Variants in PISD observed in about 807,000 individuals in gnomAD.
PISD encodes phosphatidylserine decarboxylase proenzyme, mitochondrial.
A neutral mutation model predicts 43.5 loss-of-function variants in PISD; 31 were observed. The ratio of observed to expected loss-of-function variants is 0.71; its 90% CI spans 0.54 to 0.96. PISD has a LOEUF of 0.96. Ranked by LOEUF, PISD falls within the 40% of genes least tolerant of loss-of-function variation. The pLI is 0.00. For missense variants in PISD, 523 were observed against 548.4 expected (o/e 0.95, Z 0.46); for synonymous variants, 259 against 228.7 (o/e 1.13, Z -1.20).
At position 31,618,614 on chromosome 22, in the gene PISD, C is replaced by G. The variant is rs2072258747; in HGVS notation, c.*998G>C. On this transcript the variant is annotated 3_prime_UTR_variant, in exon 8 of 8. Transcript: ENST00000439502. ...TACAGTTGAAAAAATTCAATGATGT[C>G]TCTCCTGCAGGAGAAATTCACAGCA... 1 of 498,698 alleles carries G rather than the reference C, an allele frequency of 2.0e-6. No individual in the cohort carries two copies. The allele number at this position is 498,698 out of a possible 1,614,324, so 30.9% of individuals were successfully genotyped here. A position where few individuals can be genotyped will look rare whatever the true frequency, so the allele number is the denominator to read the frequency against.
intron 3 of PISD, chr22:31,623,936 A>T (rs1429618687): frequency 2.3e-6 from 3 of 1,280,528 alleles, no homozygotes; most frequent in Non-Finnish European, 3.2e-6. Context: ...CCAGGGCAGG[A>T]TTCCTCCTGT....
Position 31,619,268 on chromosome 22 carries a change from A to G in PISD, c.*344T>C. ...GTGATGGGGGGAGGAGCAGCAAGAAAAAACGACAACCGAGACCAACTGAAG... is the reference window on the plus strand; with the variant it reads ...GTGATGGGGGGAGGAGCAGCAAGAAGAAACGACAACCGAGACCAACTGAAG... On this transcript the variant is annotated 3_prime_UTR_variant, in exon 8 of 8. Coordinates refer to ENST00000439502, the MANE Select transcript of PISD (RefSeq NM_001326411.2). The G allele has an allele frequency of 2.8e-6, 1 of 355,986 alleles. No homozygotes were observed. The highest frequency in any genetic ancestry group is 5.4e-6 in the Non-Finnish European group (1 of 183,638). The allele number at this position is 355,986 out of a possible 1,614,324, so 22.1% of individuals were successfully genotyped here. A position where few individuals can be genotyped will look rare whatever the true frequency, so the allele number is the denominator to read the frequency against.
At chr22:31,625,613 G>A (rs1182804028) in intron 3 of PISD, 5 of 946,248 alleles carry the variant, frequency 5.3e-6, no homozygotes, top group Non-Finnish European at 7.9e-6. Flanking sequence ...GGGTGCTCAG[G>A]CCCCCCAGGC....
upstream of PISD, chr22:31,662,276 G>C (rs770000520): frequency 1.3e-6 from 2 of 1,498,740 alleles, no homozygotes; most frequent in African/African-American, 2.7e-5. Flanking sequence ...GGCGTCACGA[G>C]TCTCGAGTTC....
Position 31,630,611 on chromosome 22 carries a change from C to A in PISD, c.322-8726G>T. ...GGGGACGGAAAAAAAGCCCACGACT[C>A]GCTCAACCTTGTCCGCGGGGCTCCT... On this transcript the variant is annotated intron_variant, in intron 3 of 7. Transcript: ENST00000439502. The surrounding 1 kb of genome is among the most constrained non-coding windows in gnomAD (Gnocchi z 4.4). The A allele has an allele frequency of 1.7e-6, 1 of 573,660 alleles. No homozygotes were observed. Among genetic ancestry groups the A allele is most frequent in the Non-Finnish European group, 2.2e-6 (1 of 453,264 alleles). The allele number at this position is 573,660 out of a possible 1,614,324, so 35.5% of individuals were successfully genotyped here. A position where few individuals can be genotyped will look rare whatever the true frequency, so the allele number is the denominator to read the frequency against.
intron 3 of PISD, among the ~76,000 whole-genome samples, chr22:31,637,880 G>A (rs2073560318): frequency 6.6e-6 from 1 of 152,206 alleles, no homozygotes; most frequent in African/African-American, 2.4e-5. Flanking sequence ...AGCTCTGACT[G>A]AAATTTCTCA....
At chr22:31,628,969 G>A in intron 3 of PISD, 5 of 985,314 alleles carry the variant, frequency 5.1e-6, no homozygotes, top group African/African-American at 1.7e-5. Context: ...AAACTTGCGC[G>A]GAGTGACCGG....
intron 1 of PISD, among the ~76,000 whole-genome samples, chr22:31,652,280 T>A (rs1052011363): frequency 9.2e-5 from 14 of 151,872 alleles, no homozygotes; most frequent in Non-Finnish European, 1.3e-4. Context: ...TACAGGCGCA[T>A]GCCACTGCAC....
Position 31,618,957 on chromosome 22 carries a change from G to A in PISD, c.*655C>T, listed in dbSNP as rs1485069206. 6.1e-6 allele frequency: 1 copy of A among 164,806 alleles called. No individual in the cohort carries two copies. The highest frequency in any genetic ancestry group is 1.3e-5 in the Non-Finnish European group (1 of 75,474). The allele number at this position is 164,806 out of a possible 1,614,324, so 10.2% of individuals were successfully genotyped here. On this transcript the variant is annotated 3_prime_UTR_variant, in exon 8 of 8. Transcript: ENST00000439502. ...CAGAGGACCTGGCCAGCTCCAGAAG[G>A]GTCACTCATCAGGTCCTGCAAAGGT... is the stretch of plus-strand genomic sequence containing the variant.
chr22:31,656,014 CCAGGCTCAGTGGCTCACGCCTGTAAT>C (rs2074161111), intron 1 of PISD, among the ~76,000 whole-genome samples: 1 of 152,092 alleles, frequency 6.6e-6, no homozygotes. Context: ...CTACCACTGG[CCAGGCTCAGTGGCTCACGCCTGTAAT>C]CTCAGCACTT....
At chr22:31,642,116 G>C (rs1432555917) in intron 3 of PISD, among the ~76,000 whole-genome samples, 1 of 151,194 alleles carries the variant, frequency 6.6e-6, no homozygotes, top group Non-Finnish European at 1.5e-5. Context: ...AGGTGGTAAA[G>C]CCTCAGTGGC....
At chr22:31,633,592 G>A (rs1028575093) in intron 3 of PISD, among the ~76,000 whole-genome samples, 1 of 152,186 alleles carries the variant, frequency 6.6e-6, no homozygotes, top group African/African-American at 2.4e-5. Flanking sequence ...GCGGGCGCCT[G>A]TAGTCCCAGC....
At chr22:31,654,048 A>C (rs2147804581) in intron 1 of PISD, among the ~76,000 whole-genome samples, 2 of 152,194 alleles carry the variant, frequency 1.3e-5, no homozygotes, top group South Asian at 4.2e-4. Flanking sequence ...ACTCACTGTT[A>C]CCACTTCCTC....
intron 1 of PISD, among the ~76,000 whole-genome samples, chr22:31,654,079 C>T (rs963069293): frequency 2.6e-5 from 4 of 152,140 alleles, no homozygotes; most frequent in African/African-American, 9.7e-5. Flanking sequence ...CTCTCTTAGT[C>T]CCACTCAGTA....
In PISD at chr22:31,618,503, T is replaced by G. The variant is rs2072235347; in HGVS notation, c.*1109A>C. ...GAACAGAACACAGTTTTAAGTTTGA[T>G]TTTTTTTATTTCAAAATGCTTTGCA... On this transcript the variant is annotated 3_prime_UTR_variant, in exon 8 of 8. Coordinates refer to ENST00000439502, the MANE Select transcript of PISD (RefSeq NM_001326411.2). 9 of 1,262,316 alleles carry G rather than the reference T, an allele frequency of 7.1e-6. No homozygotes were observed. The South Asian group carries it at 1.1e-4, about 16-fold the overall frequency. The allele number at this position is 1,262,316 out of a possible 1,614,324, so 78.2% of individuals were successfully genotyped here. A position where few individuals can be genotyped will look rare whatever the true frequency, so the allele number is the denominator to read the frequency against.
rs1214973570 is a variant in PISD, at chr22:31,640,880, G to GTTTTTTTT, written c.321+7213_321+7220dup. Among the ~76,000 whole-genome samples, 73 of 24,600 alleles carry GTTTTTTTT rather than the reference G, an allele frequency of 3.0e-3. 22 individuals are homozygous for GTTTTTTTT. The highest frequency in any genetic ancestry group is 7.9e-3 in the African/African-American group (44 of 5,542). 16.1% of individuals were successfully genotyped at this position (24,600 alleles called of 152,430 possible). A position where few individuals can be genotyped will look rare whatever the true frequency, so the allele number is the denominator to read the frequency against. On this transcript the variant is annotated intron_variant, in intron 3 of 7. Transcript: ENST00000439502. ...ACAGGCATGAGCCACCACACCCGGTGTTTTTTTTTTTTTTTTTTTTTTTTG... is the reference window on the plus strand; with the variant it reads ...ACAGGCATGAGCCACCACACCCGGTGTTTTTTTTTTTTTTTTTTTTTTTTTTTTTTTTG...
intron 3 of PISD, among the ~76,000 whole-genome samples, chr22:31,645,078 G>A (rs1377246747): frequency 6.6e-6 from 1 of 152,002 alleles, no homozygotes; most frequent in Non-Finnish European, 1.5e-5. Context: ...CCGAGATCAT[G>A]CCACTGCATT....
intron 1 of PISD, 106 bp downstream of exon 1, chr22:31,662,038 C>T (rs2074335149): frequency 1.9e-6 from 2 of 1,030,870 alleles, no homozygotes; most frequent in East Asian, 4.8e-5. Context: ...CGTCTCCACC[C>T]GAGCTCGCCT....
chr22:31,662,245 AC>A (rs766323514), upstream of PISD: 2 of 1,588,906 alleles, frequency 1.3e-6, no homozygotes, highest in Non-Finnish European at 1.7e-6. Context: ...CGCCCCCTTC[AC>A]ACGCTGGGCG....
Sources: gnomAD v4.1 joint callset for allele counts (sites outside exome capture counted in the v4.1 genomes callset) on GRCh38, gnomAD v4.1.1 for gene constraint, Gnocchi (gnomAD v3.1) non-coding constraint, MANE v1.5 for transcripts, NCBI Gene and HGNC (gene_info 2026-07-23, HGNC 2026-07-21) for gene names.